The following NRIP1 variants were observed in gnomAD, a reference collection of about 807,000 sequenced individuals.
NRIP1 encodes nuclear receptor interacting protein 1.
In NRIP1, 28 loss-of-function variants were observed where a neutral mutation model predicts 75.0. That is an observed-to-expected ratio of 0.37 (90% CI 0.28 to 0.51). The LOEUF (loss-of-function observed/expected upper bound fraction) is 0.51. NRIP1 is among the 20% of genes least tolerant of loss of function. The pLI is 0.92. For missense variants in NRIP1, 1,435 were observed against 1,343.7 expected, an observed-to-expected ratio of 1.07 and a Z score of -1.06; for synonymous variants, 526 against 487.6, an observed-to-expected ratio of 1.08 and a Z score of -1.04.
At chr21:15,057,839 G>T (rs1252342307) in intron 1 of NRIP1, among the ~76,000 whole-genome samples, 1 of 152,122 alleles carries the variant, frequency 6.6e-6, no homozygotes, top group African/African-American at 2.4e-5. Context: ...AGGATTAAAA[G>T]ACAAAATGTG....
At position 15,064,811 on chromosome 21, in the gene NRIP1, C is replaced by G. The variant is rs1452875948; in HGVS notation, c.-604G>C. On this transcript the variant is annotated 5_prime_UTR_variant, in exon 1 of 4. Transcript: ENST00000318948. ...CGGTCCGCGAAGGCGCCTGCCGCCC[C>G]GTCCTGGCCCGGCGCCCCGGCGAGC... The G allele has an allele frequency of 2.7e-5, 4 of 148,516 alleles. No individual in the cohort carries two copies. The highest frequency in any genetic ancestry group is 4.5e-5 in the Non-Finnish European group (3 of 66,616). 9.2% of individuals were successfully genotyped at this position (148,516 alleles called of 1,614,324 possible). A position where few individuals can be genotyped will look rare whatever the true frequency, so the allele number is the denominator to read the frequency against.
chr21:14,969,133 A>G (rs1298361562), intron 3 of NRIP1, among the ~76,000 whole-genome samples: 1 of 152,218 alleles, frequency 6.6e-6, no homozygotes, highest in African/African-American at 2.4e-5. Flanking sequence ...GAGTCTGTTC[A>G]AAGTGTGACC....
chr21:15,006,071 C>G (rs766672390), intron 3 of NRIP1, among the ~76,000 whole-genome samples: 1 of 151,962 alleles, frequency 6.6e-6, no homozygotes, highest in African/African-American at 2.4e-5. Flanking sequence ...ACAAACTTCA[C>G]GCATACTGCA....
At position 14,966,179 on chromosome 21, in the gene NRIP1, G is replaced by A; in HGVS notation, c.2014C>T (p.Pro672Ser). The A allele has an allele frequency of 6.2e-7, 1 of 1,613,606 alleles. No homozygotes were observed. The highest frequency in any genetic ancestry group is 8.5e-7 in the Non-Finnish European group (1 of 1,179,902). Residue 672 changes from proline to serine, a missense_variant, in exon 4 of 4, where the codon CCT becomes TCT. By Grantham distance (74) the Pro-to-Ser change is moderately conservative. Coordinates refer to ENST00000318948, the MANE Select transcript of NRIP1 (RefSeq NM_003489.4). ...GCATTTGTTTTATTTGAGAGCAAAG[G>A]GCTATTTAATCTATCAATCATACCT... ...PIGMIDRLNS[P>S]LLSNKTNAVE...
chr21:15,045,878 C>A (rs2089062577), intron 1 of NRIP1, among the ~76,000 whole-genome samples: 1 of 152,216 alleles, frequency 6.6e-6, no homozygotes, highest in Admixed American at 6.5e-5. Flanking sequence ...TTTCTTTGCT[C>A]ATCTATAAGG....
At chr21:15,043,948 A>G (rs1312251575) in intron 1 of NRIP1, among the ~76,000 whole-genome samples, 2 of 152,100 alleles carry the variant, frequency 1.3e-5, no homozygotes, top group Non-Finnish European at 2.9e-5. Context: ...TCTCCCAAGT[A>G]GCTGGGATTA....
At chr21:15,048,081 C>T (rs2089125309) in intron 1 of NRIP1, among the ~76,000 whole-genome samples, 1 of 152,160 alleles carries the variant, frequency 6.6e-6, no homozygotes. Context: ...CCACACTGAA[C>T]AAGTTCGCCG....
chr21:14,976,386 T>C (rs1363170510), intron 3 of NRIP1, among the ~76,000 whole-genome samples: 1 of 152,142 alleles, frequency 6.6e-6, no homozygotes. Context: ...ACTAGTTTAA[T>C]GAAATATCTA....
intron 3 of NRIP1, among the ~76,000 whole-genome samples, chr21:15,011,277 C>A (rs1381087288): frequency 2.0e-5 from 3 of 152,122 alleles, no homozygotes; most frequent in Non-Finnish European, 4.4e-5. Context: ...GCAAGCTCCA[C>A]CTCCCGGGTT....
In NRIP1 at chr21:14,965,859, A is replaced by C. The variant is rs767003861; in HGVS notation, c.2334T>G (p.Ser778Arg). 19 of 1,613,930 alleles carry C rather than the reference A, an allele frequency of 1.2e-5. No individual in the cohort carries two copies. The highest frequency in any genetic ancestry group is 1.6e-4 in the Middle Eastern group (1 of 6,082). Residue 778 changes from serine to arginine, a missense_variant, in exon 4 of 4, where the codon AGT (serine) becomes AGG (arginine). By Grantham distance (110) the Ser-to-Arg change is moderately radical. Coordinates refer to ENST00000318948, the MANE Select transcript of NRIP1 (RefSeq NM_003489.4). ...CAGGAGCCATACCCAAGAATGGGGCACTCTTAGCATCATGGCTCAAGTGCA... is the reference window on the plus strand; with the variant it reads ...CAGGAGCCATACCCAAGAATGGGGCCCTCTTAGCATCATGGCTCAAGTGCA... ...TNVHLSHDAK[S>R]APFLGMAPAV...
At chr21:15,049,454 T>A (rs2089157093) in intron 1 of NRIP1, among the ~76,000 whole-genome samples, 1 of 152,084 alleles carries the variant, frequency 6.6e-6, no homozygotes. Flanking sequence ...AAGTTAACCC[T>A]ACAAATTATT....
intron 3 of NRIP1, among the ~76,000 whole-genome samples, chr21:14,983,777 TA>T (rs1389827728): frequency 6.6e-6 from 1 of 152,194 alleles, no homozygotes; most frequent in Non-Finnish European, 1.5e-5. Context: ...AAAATGACGA[TA>T]AATCTACTCT....
At chr21:14,972,193 AGG>A (rs1377040164) in intron 3 of NRIP1, among the ~76,000 whole-genome samples, 3 of 152,162 alleles carry the variant, frequency 2.0e-5, no homozygotes, top group Non-Finnish European at 4.4e-5. Flanking sequence ...AAAGCTCTTC[AGG>A]GAGCAGAGTG....
chr21:14,984,458 G>C (rs756450669), intron 3 of NRIP1, among the ~76,000 whole-genome samples: 1 of 149,608 alleles, frequency 6.7e-6, no homozygotes, highest in African/African-American at 2.5e-5. Context: ...CCACTACACC[G>C]AGCCTGAGGA....
intron 3 of NRIP1, among the ~76,000 whole-genome samples, chr21:15,002,882 A>T (rs1445409838): frequency 6.6e-6 from 1 of 152,222 alleles, no homozygotes; most frequent in African/African-American, 2.4e-5. Flanking sequence ...TACCAGTAAT[A>T]AGACATACAA....
At chr21:15,064,328 G>A (rs1433406166) in intron 1 of NRIP1, among the ~76,000 whole-genome samples, 2 of 152,230 alleles carry the variant, frequency 1.3e-5, no homozygotes, top group African/African-American at 4.8e-5. Flanking sequence ...CAGGCGAAAG[G>A]CGCCGCCCAG....
intron 2 of NRIP1, among the ~76,000 whole-genome samples, chr21:15,041,864 AAAGTAT>A (rs1349127403): frequency 6.6e-6 from 1 of 152,138 alleles, no homozygotes; most frequent in Non-Finnish European, 1.5e-5. Context: ...TTTTACTGAT[AAAGTAT>A]ATTTTAAATT....
At position 14,967,804 on chromosome 21, in the gene NRIP1, C is replaced by T; in HGVS notation, c.389G>A (p.Ser130Asn). 6.2e-7 allele frequency: 1 copy of T among 1,614,016 alleles called. No individual in the cohort carries two copies. Among genetic ancestry groups the T allele is most frequent in the Non-Finnish European group, 8.5e-7 (1 of 1,179,974 alleles). Residue 130 changes from serine (S) to asparagine (N), a missense_variant, in exon 4 of 4, where the codon AGC becomes AAC. Ser to Asn is a conservative substitution (Grantham distance 46). Coordinates refer to ENST00000318948, the MANE Select transcript of NRIP1 (RefSeq NM_003489.4). ...VDSVPKGKQD[S>N]TLLASLLQSF... ...CTGAAGCAAAGAGGCCAGTAATGTGCTATCCTGTTTGCCTTTAGGCACACT... is the reference window on the plus strand; with the variant it reads ...CTGAAGCAAAGAGGCCAGTAATGTGTTATCCTGTTTGCCTTTAGGCACACT...
At chr21:14,977,119 C>T (rs928662577) in intron 3 of NRIP1, among the ~76,000 whole-genome samples, 1 of 152,058 alleles carries the variant, frequency 6.6e-6, no homozygotes, top group Non-Finnish European at 1.5e-5. Flanking sequence ...TCCTAATGGA[C>T]AATATTATTA....
Sources: gnomAD v4.1 joint callset for allele counts (sites outside exome capture counted in the v4.1 genomes callset) on GRCh38, gnomAD v4.1.1 for gene constraint, MANE v1.5 for transcripts, NCBI Gene and HGNC (gene_info 2026-07-23, HGNC 2026-07-21) for gene names.